Variants in PHLPP1 observed in about 807,000 individuals in gnomAD.
PHLPP1 encodes PH domain and leucine rich repeat protein phosphatase 1, also known as PH domain leucine-rich repeat-containing protein phosphatase 1.
In PHLPP1, 42 loss-of-function variants were observed where a neutral mutation model predicts 117.2. The observed-to-expected ratio is 0.36, with a 90% CI of 0.28 to 0.46. The LOEUF (loss-of-function observed/expected upper bound fraction) is 0.46. PHLPP1 is among the 20% of genes least tolerant of loss of function. The pLI is 1.00. For missense variants in PHLPP1, 2,084 were observed against 2,241.9 expected, an observed-to-expected ratio of 0.93 and a Z score of 1.42; for synonymous variants, 1,042 against 970.7, an observed-to-expected ratio of 1.07 and a Z score of -1.37.
At chr18:62,802,220 G>A (rs771671252) in intron 1 of PHLPP1, among the ~76,000 whole-genome samples, 7 of 152,192 alleles carry the variant, frequency 4.6e-5, no homozygotes, top group Admixed American at 1.3e-4. Context: ...GAAGGACTGA[G>A]TGGCCCAAAG....
At chr18:62,836,578 C>T (rs916318875) in intron 2 of PHLPP1, among the ~76,000 whole-genome samples, 6 of 151,844 alleles carry the variant, frequency 4.0e-5, no homozygotes, top group African/African-American at 1.5e-4. Flanking sequence ...TTACTGTTCT[C>T]ATGTGGGTCT....
intron 6 of PHLPP1, among the ~76,000 whole-genome samples, chr18:62,900,747 C>T (rs1052714824): frequency 1.3e-5 from 2 of 152,070 alleles, no homozygotes; most frequent in African/African-American, 2.4e-5. Flanking sequence ...CTACCACACC[C>T]TGCCATAATA....
intron 1 of PHLPP1, among the ~76,000 whole-genome samples, chr18:62,782,711 T>C (rs1226992952): frequency 6.6e-6 from 1 of 152,136 alleles, no homozygotes; most frequent in Admixed American, 6.5e-5. Context: ...CTAGGTAAGA[T>C]AGGGATAAAT....
intron 1 of PHLPP1, among the ~76,000 whole-genome samples, chr18:62,829,776 G>A (rs559847063): frequency 1.3e-5 from 2 of 152,108 alleles, no homozygotes; most frequent in East Asian, 3.9e-4. Flanking sequence ...GAAACCTCTA[G>A]TTAAAACAAA....
At chr18:62,772,702 A>G (rs1244072697) in intron 1 of PHLPP1, among the ~76,000 whole-genome samples, 3 of 151,840 alleles carry the variant, frequency 2.0e-5, no homozygotes, top group Non-Finnish European at 2.9e-5. Context: ...GTAGTGGCAC[A>G]TGCCTGTAGT....
At chr18:62,940,124 A>G (rs897991991) in intron 10 of PHLPP1, among the ~76,000 whole-genome samples, 4 of 152,082 alleles carry the variant, frequency 2.6e-5, no homozygotes, top group Admixed American at 1.3e-4. Flanking sequence ...GACATTCGTC[A>G]TGAATCAGGA....
At chr18:62,744,258 C>T (rs1423041342) in intron 1 of PHLPP1, among the ~76,000 whole-genome samples, 2 of 152,230 alleles carry the variant, frequency 1.3e-5, no homozygotes. Context: ...GGTGCGAGCA[C>T]ACTCCTCATA....
At chr18:62,970,286 C>G (rs1911016192) in intron 14 of PHLPP1, among the ~76,000 whole-genome samples, 2 of 152,138 alleles carry the variant, frequency 1.3e-5, no homozygotes, top group African/African-American at 4.8e-5. Flanking sequence ...CTGCTTCCAT[C>G]TATGTTATAA....
chr18:62,915,106 G>A, intron 9 of PHLPP1, 98 bp downstream of exon 9: 2 of 853,764 alleles, frequency 2.3e-6, no homozygotes, highest in Non-Finnish European at 3.7e-6. Flanking sequence ...GCCTAAAAGA[G>A]TTTGCTTTAA....
intron 1 of PHLPP1, among the ~76,000 whole-genome samples, chr18:62,790,120 G>A (rs1051712600): frequency 1.3e-5 from 2 of 152,142 alleles, no homozygotes; most frequent in East Asian, 3.8e-4. Context: ...AATTTGGAAA[G>A]GTAAGACTAT....
chr18:62,787,634 C>G (rs1328319493), intron 1 of PHLPP1, among the ~76,000 whole-genome samples: 2 of 152,242 alleles, frequency 1.3e-5, no homozygotes, highest in East Asian at 3.9e-4. Flanking sequence ...CTTTCTGAAC[C>G]TATTTTGGTA....
chr18:62,918,234 C>G (rs1002770566), intron 9 of PHLPP1, among the ~76,000 whole-genome samples: 17 of 144,558 alleles, frequency 1.2e-4, no homozygotes, highest in African/African-American at 4.1e-4. Context: ...AAGAGTTTGA[C>G]AAAAGAGAAA....
rs139309123 is a variant in PHLPP1, at chr18:62,861,359, C to T, written c.2066+758C>T. Among the ~76,000 whole-genome samples, 695 of 152,268 alleles carry T rather than the reference C, an allele frequency of 4.6e-3. 2 individuals carry two copies. Among genetic ancestry groups the T allele is most frequent in the Middle Eastern group, 6.8e-3 (2 of 294 alleles). On this transcript the variant is annotated intron_variant, in intron 4 of 16. Coordinates refer to ENST00000262719, the MANE Select transcript of PHLPP1 (RefSeq NM_194449.4). ...CCTCAAGTGATCTGCCCTTCTTGGC[C>T]TCCCAAAGTGCTGTGATTATAGGCG...
chr18:62,825,525 A>G (rs559328754), intron 1 of PHLPP1: 1 of 151,186 alleles, frequency 6.6e-6, no homozygotes, highest in South Asian at 2.1e-4. Flanking sequence ...CAGTGGCACA[A>G]TCATAGTGCA....
At chr18:62,962,278 T>C (rs1910792497) in intron 13 of PHLPP1, among the ~76,000 whole-genome samples, 1 of 151,992 alleles carries the variant, frequency 6.6e-6, no homozygotes, top group Non-Finnish European at 1.5e-5. Context: ...TTTTATTTTA[T>C]GTTCTTTTAT....
At chr18:62,959,948 C>G (rs977529916) in intron 13 of PHLPP1, among the ~76,000 whole-genome samples, 1 of 152,060 alleles carries the variant, frequency 6.6e-6, no homozygotes, top group Non-Finnish European at 1.5e-5. Context: ...TATGAAACCT[C>G]GGCCTAAACC....
At chr18:62,896,240 G>A (rs190315528) in intron 6 of PHLPP1, among the ~76,000 whole-genome samples, 1 of 151,798 alleles carries the variant, frequency 6.6e-6, no homozygotes, top group East Asian at 1.9e-4. Flanking sequence ...ACCCAGTTGA[G>A]TGAGAGAGCT....
intron 12 of PHLPP1, among the ~76,000 whole-genome samples, chr18:62,954,589 C>T (rs1028326237): frequency 1.3e-5 from 2 of 152,110 alleles, no homozygotes; most frequent in Non-Finnish European, 2.9e-5. Flanking sequence ...GCACCAGATA[C>T]CAACATCCTG....
intron 16 of PHLPP1, among the ~76,000 whole-genome samples, chr18:62,976,118 C>A (rs550804696): frequency 6.6e-6 from 1 of 152,174 alleles, no homozygotes; most frequent in African/African-American, 2.4e-5. Context: ...ACCTCATGTC[C>A]CATTTGAGTA....
Sources: gnomAD v4.1 joint callset for allele counts (sites outside exome capture counted in the v4.1 genomes callset) on GRCh38, gnomAD v4.1.1 for gene constraint, MANE v1.5 for transcripts, NCBI Gene and HGNC (gene_info 2026-07-23, HGNC 2026-07-21) for gene names.